Variants in SLC30A9 observed in about 807,000 individuals in gnomAD.
The protein encoded by SLC30A9 is solute carrier family 30 member 9, also known as proton-coupled zinc antiporter SLC30A9, mitochondrial.
A neutral mutation model predicts 87.5 loss-of-function variants in SLC30A9; 58 were observed. That is an observed-to-expected ratio of 0.66 (90% confidence interval 0.54 to 0.82). The LOEUF (loss-of-function observed/expected upper bound fraction) is 0.82. SLC30A9 is among the 40% of genes least tolerant of loss of function. The pLI is 0.00. For missense variants in SLC30A9, 557 were observed against 679.1 expected (o/e 0.82, Z 2.00); for synonymous variants, 234 against 233.0 (o/e 1.00, Z -0.04).
At chr4:42,014,998 C>T (rs915922250) in intron 2 of SLC30A9, among the ~76,000 whole-genome samples, 4 of 152,118 alleles carry the variant, frequency 2.6e-5, no homozygotes, top group Non-Finnish European at 5.9e-5. Context: ...GATAGCACAA[C>T]AGGGTGACTA....
At chr4:42,020,370 G>T in intron 3 of SLC30A9, 46 bp from the exon 4 acceptor site, 1 of 890,170 alleles carries the variant, frequency 1.1e-6, no homozygotes, top group South Asian at 1.6e-5. Context: ...CTTCACATGT[G>T]ACTTTCAATG....
chr4:42,038,688 G>A (rs1473034648), intron 7 of SLC30A9, among the ~76,000 whole-genome samples: 1 of 152,194 alleles, frequency 6.6e-6, no homozygotes, highest in Non-Finnish European at 1.5e-5. Flanking sequence ...ATGAATTTCA[G>A]CACAGTGCAT....
intron 2 of SLC30A9, among the ~76,000 whole-genome samples, chr4:42,008,259 T>C (rs767486547): frequency 6.6e-6 from 1 of 152,196 alleles, no homozygotes; most frequent in Non-Finnish European, 1.5e-5. Context: ...CAGCTCTGCA[T>C]AGAGACATTT....
chr4:42,038,053 T>C (rs2153137315), intron 7 of SLC30A9, among the ~76,000 whole-genome samples: 1 of 152,296 alleles, frequency 6.6e-6, no homozygotes, highest in Non-Finnish European at 1.5e-5. Context: ...ATTACAAGCG[T>C]GAGCCACTGC....
chr4:42,053,989 A>G (rs1045875835), intron 9 of SLC30A9, among the ~76,000 whole-genome samples: 5 of 152,100 alleles, frequency 3.3e-5, no homozygotes, highest in African/African-American at 1.2e-4. Context: ...GCTTTTTGGG[A>G]ATGATGGAAA....
intron 3 of SLC30A9, among the ~76,000 whole-genome samples, chr4:42,019,627 C>A (rs1715861627): frequency 6.6e-6 from 1 of 151,956 alleles, no homozygotes; most frequent in Admixed American, 6.6e-5. Context: ...TACTAATTAG[C>A]AACTAGTATA....
chr4:41,996,373 G>A (rs6828328), intron 1 of SLC30A9, among the ~76,000 whole-genome samples: 7,312 of 152,060 alleles, frequency 0.048, 247 homozygotes, highest in African/African-American at 0.077. Context: ...CATTACAGGC[G>A]TGAGCCACTG....
chr4:42,084,261 GTA>G (rs1196002698), intron 17 of SLC30A9, among the ~76,000 whole-genome samples: 1 of 151,960 alleles, frequency 6.6e-6, no homozygotes, highest in Non-Finnish European at 1.5e-5. Flanking sequence ...AATACTTTTA[GTA>G]TGTCTTTATT....
chr4:42,029,553 A>G (rs1247261446), intron 6 of SLC30A9: 4 of 690,352 alleles, frequency 5.8e-6, no homozygotes, highest in Non-Finnish European at 1.1e-5. Context: ...AAAAGTACAA[A>G]GATTCAGCCC....
At chr4:42,060,301 T>C in intron 10 of SLC30A9, 55 bp downstream of exon 10, 1 of 1,309,806 alleles carries the variant, frequency 7.6e-7, no homozygotes, top group East Asian at 2.3e-5. Flanking sequence ...GTCATTGAAA[T>C]AACTAAATAT....
chr4:42,063,204 T>C, intron 11 of SLC30A9, 83 bp downstream of exon 11: 1 of 1,280,712 alleles, frequency 7.8e-7, no homozygotes, highest in Non-Finnish European at 1.1e-6. Context: ...CATATTGGTG[T>C]TAAAGGAGAA....
intron 9 of SLC30A9, among the ~76,000 whole-genome samples, chr4:42,056,641 T>C (rs1717628062): frequency 1.3e-5 from 2 of 152,070 alleles, no homozygotes; most frequent in African/African-American, 2.4e-5. Context: ...CCGAATCTCA[T>C]GTCCTCACAT....
intron 6 of SLC30A9, chr4:42,029,857 G>T: frequency 1.4e-6 from 1 of 717,536 alleles, no homozygotes; most frequent in Non-Finnish European, 2.6e-6. Flanking sequence ...CAGTGCACTG[G>T]CTAGCAAGAT....
chr4:41,993,187 A>G (rs1714531886), intron 1 of SLC30A9, among the ~76,000 whole-genome samples: 1 of 150,430 alleles, frequency 6.6e-6, no homozygotes, highest in African/African-American at 2.4e-5. Context: ...TTAATAATAA[A>G]ATATATAAAA....
chr4:42,064,456 G>T (rs1450280411), intron 11 of SLC30A9, among the ~76,000 whole-genome samples: 1 of 152,020 alleles, frequency 6.6e-6, no homozygotes, highest in Non-Finnish European at 1.5e-5. Context: ...ATTAAACTAG[G>T]CTTATTTGTT....
At chr4:42,065,547 G>T (rs573966067) in intron 12 of SLC30A9, among the ~76,000 whole-genome samples, 198 bp downstream of exon 12, 1 of 152,280 alleles carries the variant, frequency 6.6e-6, no homozygotes, top group South Asian at 2.1e-4. Flanking sequence ...CTGTGGGGGG[G>T]TGTGTAACTG....
intron 1 of SLC30A9, among the ~76,000 whole-genome samples, chr4:41,999,644 G>T (rs1186840147): frequency 2.6e-5 from 4 of 151,232 alleles, no homozygotes; most frequent in African/African-American, 9.7e-5. Context: ...AAAAATTCAG[G>T]ACAAACAACC....
intron 15 of SLC30A9, among the ~76,000 whole-genome samples, chr4:42,075,009 T>C (rs1577723106): frequency 8.0e-6 from 1 of 125,658 alleles, no homozygotes; most frequent in East Asian, 2.5e-4. Context: ...AAAATTGATT[T>C]AGAGTTAATG....
At chr4:42,015,654 T>C (rs985316795) in intron 2 of SLC30A9, among the ~76,000 whole-genome samples, 1 of 152,200 alleles carries the variant, frequency 6.6e-6, no homozygotes, top group Non-Finnish European at 1.5e-5. Context: ...GGTTATTGCA[T>C]CATTCCTATC....
Sources: gnomAD v4.1 joint callset for allele counts (sites outside exome capture counted in the v4.1 genomes callset) on GRCh38, gnomAD v4.1.1 for gene constraint, MANE v1.5 for transcripts, NCBI Gene and HGNC (gene_info 2026-07-23, HGNC 2026-07-21) for gene names.